Variants in SUGCT observed in about 807,000 individuals in gnomAD.
SUGCT encodes succinyl-CoA:glutarate CoA-transferase.
Under a neutral mutation model 55.0 loss-of-function variants are expected in SUGCT, and 41 were observed. The ratio of observed to expected loss-of-function variants is 0.74; its 90% CI spans 0.58 to 0.97. The LOEUF is 0.97. Among genes scored for constraint, SUGCT ranks in the 50% least tolerant of loss-of-function variants. The probability of loss-of-function intolerance (pLI) is 0.00; values close to 1 mark genes in which losing one functional copy is unlikely to be tolerated. For missense variants in SUGCT, 568 were observed against 547.8 expected (o/e 1.04, Z -0.37); for synonymous variants, 187 against 200.4 (o/e 0.93, Z 0.56).
Position 40,748,223 on chromosome 7 carries a change from AG to A in SUGCT, c.1090-1210del, listed in dbSNP as rs201278677. On this transcript the variant is annotated intron_variant, in intron 12 of 13. Transcript: ENST00000335693. ...GGTATTTTTATTACTGAGTGTATTT[AG>A]ATTTAGTAGATTTAATGTTTAAAGA... Among the ~76,000 whole-genome samples, 736 of 152,260 alleles carry A rather than the reference AG, an allele frequency of 4.8e-3. 9 individuals carry two copies. Among genetic ancestry groups the A allele is most frequent in the African/African-American group, 0.017 (706 of 41,546 alleles).
chr7:40,280,130 G>T (rs1233376095), intron 8 of SUGCT, among the ~76,000 whole-genome samples: 1 of 152,190 alleles, frequency 6.6e-6, no homozygotes, highest in Non-Finnish European at 1.5e-5. Flanking sequence ...ACTCAGAAAT[G>T]ATTGCCTCAG....
chr7:40,541,544 G>A (rs1794679656), intron 12 of SUGCT, among the ~76,000 whole-genome samples: 1 of 152,164 alleles, frequency 6.6e-6, no homozygotes, highest in East Asian at 1.9e-4. Context: ...AGAAATTCCT[G>A]TGGAAACTTG....
In SUGCT at chr7:40,469,970, GA is replaced by G. The variant is rs564963596; in HGVS notation, c.986+10773del. On this transcript the variant is annotated intron_variant, in intron 11 of 13. Transcript: ENST00000335693. ...ACTTGGGGAGCTGGATAGAAGTTTG[GA>G]TATCATCAAATTTAACCCCTTCCTA... 2.9e-3 allele frequency among the ~76,000 whole-genome samples: 436 copies of G among 152,202 alleles called. 2 individuals are homozygous for G. The highest frequency in any genetic ancestry group is 9.7e-3 in the African/African-American group (401 of 41,520).
At chr7:40,491,438 G>A (rs985102168) in intron 11 of SUGCT, among the ~76,000 whole-genome samples, 17 of 152,094 alleles carry the variant, frequency 1.1e-4, no homozygotes, top group Non-Finnish European at 7.4e-5. Context: ...TGGCAAGTGA[G>A]GAATCCTAGG....
intron 12 of SUGCT, among the ~76,000 whole-genome samples, chr7:40,679,147 C>T (rs577377646): frequency 3.9e-5 from 6 of 152,270 alleles, no homozygotes; most frequent in Non-Finnish European, 2.9e-5. Flanking sequence ...AAGGTACAAA[C>T]GTCTCTGTAG....
chr7:40,912,984 C>T, the SUGCT span, among the ~76,000 whole-genome samples: 25 of 151,464 alleles, frequency 1.7e-4, no homozygotes, highest in South Asian at 4.2e-4. Context: ...ACCATCCTTC[C>T]TGACTACAGA....
intron 12 of SUGCT, among the ~76,000 whole-genome samples, chr7:40,551,606 C>G (rs1795301844): frequency 6.6e-6 from 1 of 152,106 alleles, no homozygotes; most frequent in Non-Finnish European, 1.5e-5. Flanking sequence ...CCACATACAC[C>G]CATGGGCACC....
intron 12 of SUGCT, among the ~76,000 whole-genome samples, chr7:40,519,720 A>G (rs964964418): frequency 3.9e-5 from 6 of 152,210 alleles, no homozygotes; most frequent in African/African-American, 1.4e-4. Flanking sequence ...GATATATTTT[A>G]TTAGCTCACA....
chr7:40,619,888 A>G (rs192685160), intron 12 of SUGCT, among the ~76,000 whole-genome samples: 6 of 152,346 alleles, frequency 3.9e-5, no homozygotes, highest in Admixed American at 3.9e-4. Flanking sequence ...TTTCAAAGTT[A>G]TCTACAAAGA....
intron 13 of SUGCT, among the ~76,000 whole-genome samples, chr7:40,817,232 T>TAC (rs1791717634): frequency 6.6e-6 from 1 of 152,236 alleles, no homozygotes; most frequent in African/African-American, 2.4e-5. Flanking sequence ...ACTGGTCCTC[T>TAC]ACCCATGGGG....
intron 9 of SUGCT, among the ~76,000 whole-genome samples, chr7:40,417,566 A>G (rs1355482506): frequency 2.0e-5 from 3 of 152,042 alleles, no homozygotes; most frequent in South Asian, 4.1e-4. Context: ...GATGTGATCC[A>G]TATGATTTTC....
intron 9 of SUGCT, among the ~76,000 whole-genome samples, chr7:40,382,533 T>A (rs992429194): frequency 6.6e-6 from 1 of 152,144 alleles, no homozygotes; most frequent in Non-Finnish European, 1.5e-5. Flanking sequence ...GAAAGAAGAT[T>A]GAAGTATTTT....
the SUGCT span, among the ~76,000 whole-genome samples, chr7:40,958,396 T>C: frequency 6.6e-6 from 1 of 151,918 alleles, no homozygotes; most frequent in African/African-American, 2.4e-5. Context: ...GTCTTCACGC[T>C]TTATTTCATT....
the SUGCT span, among the ~76,000 whole-genome samples, chr7:40,996,944 T>C: frequency 6.6e-6 from 1 of 152,174 alleles, no homozygotes; most frequent in Admixed American, 6.5e-5. Flanking sequence ...CAACTGTCAA[T>C]GGGATGAGTA....
the SUGCT span, among the ~76,000 whole-genome samples, chr7:40,994,408 AT>A: frequency 0.36 from 53,237 of 149,718 alleles, 10,307 homozygotes; most frequent in Admixed American, 0.51. Context: ...TCACCCCCCC[AT>A]TTTGGAAGCC....
chr7:40,260,407 A>C (rs1791143556), intron 7 of SUGCT, among the ~76,000 whole-genome samples: 2 of 152,252 alleles, frequency 1.3e-5, no homozygotes, highest in South Asian at 4.1e-4. Flanking sequence ...TGTTCTAGGA[A>C]AGATTCAGCT....
intron 9 of SUGCT, among the ~76,000 whole-genome samples, chr7:40,445,296 TA>T (rs1357303502): frequency 2.0e-5 from 3 of 151,862 alleles, no homozygotes; most frequent in Non-Finnish European, 4.4e-5. Flanking sequence ...ATAGACGCAA[TA>T]AAAAATGATA....
chr7:40,515,317 G>A (rs1486279859), intron 12 of SUGCT, among the ~76,000 whole-genome samples: 1 of 152,168 alleles, frequency 6.6e-6, no homozygotes, highest in Admixed American at 6.5e-5. Context: ...TACAAAAACA[G>A]CTTTATTGGG....
At chr7:40,296,611 TCGTGTGTGTGTGTGTGTG>T (rs751930352) in intron 8 of SUGCT, among the ~76,000 whole-genome samples, 1 of 103,328 alleles carries the variant, frequency 9.7e-6, no homozygotes, top group East Asian at 2.8e-4. Flanking sequence ...AGTGAGTGAC[TCGTGTGTGTGTGTGTGTG>T]TGTGTGTGTG....
Sources: gnomAD v4.1 joint callset for allele counts (sites outside exome capture counted in the v4.1 genomes callset) on GRCh38, gnomAD v4.1.1 for gene constraint, MANE v1.5 for transcripts, NCBI Gene and HGNC (gene_info 2026-07-23, HGNC 2026-07-21) for gene names.